Variants in TTLL5 observed in about 807,000 individuals in gnomAD.
The protein encoded by TTLL5 is tubulin polyglutamylase TTLL5.
Under a neutral mutation model 168.4 loss-of-function variants are expected in TTLL5, and 132 were observed. The observed-to-expected ratio is 0.78, with a 90% CI of 0.68 to 0.91. TTLL5 has a LOEUF of 0.91. TTLL5 is among the 40% of genes least tolerant of loss of function. TTLL5 has a pLI of 0.00. For missense variants in TTLL5, 1,545 were observed against 1,581.5 expected, an observed-to-expected ratio of 0.98 and a Z score of 0.39; for synonymous variants, 546 against 558.6, an observed-to-expected ratio of 0.98 and a Z score of 0.32.
At chr14:75,734,757 A>C (rs1412975457) in intron 14 of TTLL5, among the ~76,000 whole-genome samples, 1 of 152,242 alleles carries the variant, frequency 6.6e-6, no homozygotes, top group East Asian at 1.9e-4. Context: ...CACCTTCTGC[A>C]GTTCCAGAAG....
chr14:75,668,656 T>G (rs1883483717), intron 2 of TTLL5, among the ~76,000 whole-genome samples: 1 of 152,200 alleles, frequency 6.6e-6, no homozygotes, highest in Admixed American at 6.5e-5. Flanking sequence ...ATTGTTCCAT[T>G]TAGCATGGGC....
At chr14:75,931,373 C>G (rs1381301459) in intron 31 of TTLL5, among the ~76,000 whole-genome samples, 1 of 152,128 alleles carries the variant, frequency 6.6e-6, no homozygotes, top group East Asian at 1.9e-4. Flanking sequence ...CATGTGAGCT[C>G]CTCCCCTCAG....
intron 28 of TTLL5, among the ~76,000 whole-genome samples, chr14:75,830,525 A>G (rs1011919736): frequency 1.3e-5 from 2 of 152,226 alleles, no homozygotes; most frequent in African/African-American, 4.8e-5. Context: ...AACATATTCC[A>G]AAACATCATG....
intron 4 of TTLL5, 105 bp downstream of exon 4, chr14:75,681,732 G>A (rs939047453): frequency 4.3e-6 from 4 of 926,154 alleles, no homozygotes; most frequent in Admixed American, 1.8e-5. Context: ...AAGTACATGG[G>A]ACCAATGCTT....
chr14:75,816,657 C>G (rs964916868), intron 27 of TTLL5, among the ~76,000 whole-genome samples: 10 of 152,258 alleles, frequency 6.6e-5, no homozygotes, highest in African/African-American at 2.4e-4. Flanking sequence ...ATTAAGCCTC[C>G]TTTATTAAGT....
intron 31 of TTLL5, chr14:75,904,243 A>G (rs941045755): frequency 2.6e-6 from 3 of 1,174,662 alleles, no homozygotes; most frequent in Non-Finnish European, 3.2e-6. Context: ...TTACTAGAAC[A>G]TGGTAGTTAA....
chr14:75,733,932 G>A (rs898960218), intron 13 of TTLL5, 57 bp from the exon 14 acceptor site: 2 of 1,546,734 alleles, frequency 1.3e-6, no homozygotes, highest in Non-Finnish European at 1.8e-6. Flanking sequence ...TCAGAGGGCG[G>A]CTATTCTGTT....
chr14:75,707,727 T>C lies in TTLL5; in HGVS notation c.740+20T>C, dbSNP rs1594902113. 6.2e-7 allele frequency: 1 copy of C among 1,600,144 alleles called. No homozygotes were observed. Among genetic ancestry groups the C allele is most frequent in the Non-Finnish European group, 8.5e-7 (1 of 1,169,988 alleles). On this transcript the variant is annotated intron_variant, in intron 9 of 31. Transcript: ENST00000298832. ...GGCTAGGTAAGAAGCTGTTTGGGGG[T>C]GAAGGGGTTGGGTGGGTATATTAAG... is the stretch of plus-strand genomic sequence containing the variant.
At position 75,771,867 on chromosome 14, in the gene TTLL5, T is replaced by C. The variant is rs1891342981; in HGVS notation, c.2136+13T>C. The stretch of plus-strand genomic sequence containing the variant: ...GGATGAACAGATGGTAAGGCTTTTC[T>C]TACTGAAACCTTTTTACTTTCCCTT... On this transcript the variant is annotated intron_variant, in intron 21 of 31. Transcript: ENST00000298832. 7 of 1,603,038 alleles carry C rather than the reference T, an allele frequency of 4.4e-6. No homozygotes were observed. The African/African-American group carries it at 5.4e-5, about 12-fold the overall frequency.
intron 17 of TTLL5, 128 bp downstream of exon 17, chr14:75,745,709 ATAT>A: frequency 2.8e-6 from 2 of 713,672 alleles, no homozygotes; most frequent in Non-Finnish European, 2.3e-6. Context: ...AATATGATAA[ATAT>A]TATCCAACCC....
intron 29 of TTLL5, 114 bp downstream of exon 29, chr14:75,863,976 T>C (rs1429140562): frequency 8.6e-7 from 1 of 1,162,716 alleles, no homozygotes; most frequent in Non-Finnish European, 1.2e-6. Flanking sequence ...TCCAACCCCG[T>C]GCCATCCTGG....
chr14:75,893,264 G>A (rs913644209), intron 30 of TTLL5, among the ~76,000 whole-genome samples: 1 of 152,054 alleles, frequency 6.6e-6, no homozygotes. Context: ...GAAGACATGA[G>A]TCCTCAGCTA....
chr14:75,760,591 G>A (rs1403052354), intron 18 of TTLL5, among the ~76,000 whole-genome samples: 2 of 151,984 alleles, frequency 1.3e-5, no homozygotes, highest in Admixed American at 6.5e-5. Context: ...CAGTATTCAA[G>A]ATATTGGCAA....
At chr14:75,689,575 A>T (rs967289409) in intron 5 of TTLL5, 1 of 152,234 alleles carries the variant, frequency 6.6e-6, no homozygotes, top group Non-Finnish European at 1.5e-5. Flanking sequence ...TAATCTCCAA[A>T]AATTAAACAA....
intron 2 of TTLL5, among the ~76,000 whole-genome samples, chr14:75,664,099 G>T (rs1201533275): frequency 6.7e-6 from 1 of 150,374 alleles, no homozygotes; most frequent in Non-Finnish European, 1.5e-5. Context: ...AAAAAAAAAA[G>T]AATGATAATG....
intron 27 of TTLL5, among the ~76,000 whole-genome samples, chr14:75,815,604 TAAAATCAAAGGGAAAG>T (rs1272384867): frequency 6.6e-6 from 1 of 152,178 alleles, no homozygotes; most frequent in Non-Finnish European, 1.5e-5. Context: ...AAGTGGGAAG[TAAAATCAAAGGGAAAG>T]AAGGAAAAGC....
At chr14:75,939,541 C>T (rs1010376152) in intron 31 of TTLL5, among the ~76,000 whole-genome samples, 2 of 152,098 alleles carry the variant, frequency 1.3e-5, no homozygotes, top group Admixed American at 6.5e-5. Flanking sequence ...TGCAACACCA[C>T]GTCCAGCTAA....
chr14:75,904,009 A>G lies in TTLL5; in HGVS notation c.3823+1785A>G, dbSNP rs537287805. The G allele has an allele frequency of 1.5e-3, 1,351 of 893,600 alleles. 2 individuals carry two copies. The highest frequency in any genetic ancestry group is 2.0e-3 in the South Asian group (71 of 34,762). 55.4% of individuals were successfully genotyped at this position (893,600 alleles called of 1,614,324 possible). On this transcript the variant is annotated intron_variant, in intron 31 of 31. Coordinates refer to ENST00000298832, the MANE Select transcript of TTLL5 (RefSeq NM_015072.5). Reference sequence around the variant, plus strand: ...TGAAGCAATATATAGGGAAGGCGCTATAACTACTGTAACTACACCCGGGCC... The same window carrying G: ...TGAAGCAATATATAGGGAAGGCGCTGTAACTACTGTAACTACACCCGGGCC...
intron 31 of TTLL5, among the ~76,000 whole-genome samples, chr14:75,924,803 C>T (rs1232875574): frequency 3.9e-5 from 6 of 152,090 alleles, no homozygotes; most frequent in Admixed American, 2.0e-4. Flanking sequence ...GCTGGGTACA[C>T]CTCCCAGACC....
Sources: gnomAD v4.1 joint callset for allele counts (sites outside exome capture counted in the v4.1 genomes callset) on GRCh38, gnomAD v4.1.1 for gene constraint, MANE v1.5 for transcripts, NCBI Gene and HGNC (gene_info 2026-07-23, HGNC 2026-07-21) for gene names.